POLR1B: variants seen among roughly 807,000 people sequenced by gnomAD.
POLR1B encodes RNA polymerase I subunit B.
A neutral mutation model predicts 105.8 loss-of-function variants in POLR1B; 30 were observed. That is an observed-to-expected ratio of 0.28 (90% CI 0.21 to 0.38). POLR1B has a LOEUF of 0.38. Ranked by LOEUF, POLR1B falls within the 10% of genes least tolerant of loss-of-function variation. The pLI is 1.00. For missense variants in POLR1B, 976 were observed against 1,435.8 expected, an observed-to-expected ratio of 0.68 and a Z score of 5.17; for synonymous variants, 485 against 505.1, an observed-to-expected ratio of 0.96 and a Z score of 0.53.
intron 9 of POLR1B, among the ~76,000 whole-genome samples, chr2:112,563,669 G>T (rs538091620): frequency 6.6e-6 from 1 of 152,128 alleles, no homozygotes; most frequent in African/African-American, 2.4e-5. Context: ...AGGCCAAGGC[G>T]AGAGGATTGC....
At chr2:112,561,918 T>C (rs1356915791) in intron 9 of POLR1B, among the ~76,000 whole-genome samples, 1 of 152,154 alleles carries the variant, frequency 6.6e-6, no homozygotes, top group Admixed American at 6.5e-5. Context: ...GCATTCCTTC[T>C]GCCTTGGCCT....
Position 112,551,958 on chromosome 2 carries a change from G to C in POLR1B, c.946G>C (p.Asp316His). ...CTTCAGAGTAAAACTCAATGTTCCT[G>C]ACTGGTACCCAAATGAGCAAGCTGC... is the stretch of plus-strand genomic sequence containing the variant. ...ECFRVKLNVP[D>H]WYPNEQAAEF... is the part of the protein sequence containing the mutation. Residue 316 changes from aspartate (D) to histidine (H), a missense_variant, in exon 6 of 15, where the codon GAC becomes CAC. By Grantham distance (81) the Asp-to-His change is moderately conservative. Coordinates refer to ENST00000263331, the MANE Select transcript of POLR1B (RefSeq NM_019014.6). The C allele has an allele frequency of 6.2e-7, 1 of 1,614,200 alleles. No homozygotes were observed. The highest frequency in any genetic ancestry group is 8.5e-7 in the Non-Finnish European group (1 of 1,180,034).
intron 9 of POLR1B, among the ~76,000 whole-genome samples, chr2:112,562,349 C>G (rs1684030827): frequency 6.6e-6 from 1 of 152,000 alleles, no homozygotes; most frequent in Admixed American, 6.6e-5. Context: ...GTGAAATGCT[C>G]CCTCCCATAG....
intron 12 of POLR1B, among the ~76,000 whole-genome samples, chr2:112,570,340 A>G (rs1010698003): frequency 9.9e-5 from 15 of 152,122 alleles, no homozygotes; most frequent in Admixed American, 9.8e-4. Context: ...GAGCCACTGC[A>G]CCTGGCCCAG....
At chr2:112,554,715 T>C (rs1353881507) in intron 7 of POLR1B, 1 of 152,042 alleles carries the variant, frequency 6.6e-6, no homozygotes, top group African/African-American at 2.4e-5. Flanking sequence ...TTATTCCACA[T>C]CAATTCCTAA....
rs990648539 is a variant in POLR1B at position 112,577,712 on chromosome 2, G to A, written c.*1983G>A. Among the ~76,000 whole-genome samples the A allele has an allele frequency of 1.3e-5, 2 of 151,556 alleles. No homozygotes were observed. On this transcript the variant is annotated 3_prime_UTR_variant, in exon 15 of 15. Transcript: ENST00000263331. ...TAGCCTGGTGTGGTGGCACATGCCT[G>A]TAGTTCCAGCTACTCAGGAGGCTGA...
chr2:112,569,333 C>G (rs1209102225), intron 12 of POLR1B, among the ~76,000 whole-genome samples: 2 of 152,162 alleles, frequency 1.3e-5, no homozygotes, highest in African/African-American at 4.8e-5. Flanking sequence ...TGATAATCTT[C>G]CTTTAGCATT....
At chr2:112,544,080 C>T (rs1682911187) in intron 1 of POLR1B, among the ~76,000 whole-genome samples, 1 of 151,520 alleles carries the variant, frequency 6.6e-6, no homozygotes, top group African/African-American at 2.4e-5. Flanking sequence ...CAGAGTGAGA[C>T]CTGTCTTTAA....
At chr2:112,542,241 G>A, upstream of POLR1B, 1 of 1,535,380 alleles carries the variant, frequency 6.5e-7, no homozygotes. Flanking sequence ...GAGTGGGGCG[G>A]AATATGGGAG....
intron 4 of POLR1B, chr2:112,550,660 T>G: frequency 1.7e-6 from 1 of 579,994 alleles, no homozygotes. Context: ...TCGGTTATTT[T>G]ACATTAGTGT....
chr2:112,572,543 A>G lies in POLR1B; in HGVS notation c.2075-19A>G, dbSNP rs376236905. ...GATGAAAGCAGCAGAAAATGCTAAG[A>G]TGTTTTTTCTCCATGTAGGTAAGCA... On this transcript the variant is annotated intron_variant, in intron 12 of 14. Transcript: ENST00000263331. 93 of 1,520,468 alleles carry G rather than the reference A, an allele frequency of 6.1e-5. 1 individual carries two copies. The South Asian group carries it at 1.1e-3, about 18-fold the overall frequency. 94.2% of individuals were successfully genotyped at this position (1,520,468 alleles called of 1,614,324 possible).
At chr2:112,572,796 T>A (rs751473902) in intron 13 of POLR1B, 38 bp downstream of exon 13, 5 of 1,487,002 alleles carry the variant, frequency 3.4e-6, no homozygotes, top group Non-Finnish European at 2.7e-6. Context: ...AATCTTTTTA[T>A]TTTTTAACTT....
rs1396411524 is a variant in POLR1B, at chr2:112,577,128, T to G, written c.*1399T>G. The G allele has an allele frequency of 1.3e-5, 2 of 152,236 alleles. No individual in the cohort carries two copies. The highest frequency in any genetic ancestry group is 4.8e-5 in the African/African-American group (2 of 41,468). 9.4% of individuals were successfully genotyped at this position (152,236 alleles called of 1,614,324 possible). On this transcript the variant is annotated 3_prime_UTR_variant, in exon 15 of 15. Coordinates refer to ENST00000263331, the MANE Select transcript of POLR1B (RefSeq NM_019014.6). ...GATCATCTTGTATATACTTCTGCAA[T>G]TATAAGATGTTTTTTGATGATGAAA...
chr2:112,545,540 A>G (rs1478032676), intron 1 of POLR1B, among the ~76,000 whole-genome samples: 4 of 152,248 alleles, frequency 2.6e-5, no homozygotes, highest in Non-Finnish European at 4.4e-5. Context: ...ACTGTATAGA[A>G]CATAACTATT....
intron 14 of POLR1B, among the ~76,000 whole-genome samples, chr2:112,574,441 C>T (rs929153265): frequency 6.6e-6 from 1 of 152,034 alleles, no homozygotes; most frequent in Non-Finnish European, 1.5e-5. Flanking sequence ...TTTTGCAGGC[C>T]AGGCACAGTA....
chr2:112,543,093 G>A (rs775932891), intron 1 of POLR1B, among the ~76,000 whole-genome samples: 3 of 152,204 alleles, frequency 2.0e-5, no homozygotes, highest in African/African-American at 7.2e-5. Flanking sequence ...TTCTCTTAGA[G>A]CTTTAAAGAG....
Position 112,577,823 on chromosome 2 carries a change from C to A in POLR1B, c.*2094C>A, listed in dbSNP as rs1684933629. Among the ~76,000 whole-genome samples, 3 of 107,880 alleles carry A rather than the reference C, an allele frequency of 2.8e-5. No individual in the cohort carries two copies. Among genetic ancestry groups the A allele is most frequent in the Non-Finnish European group, 5.5e-5 (3 of 54,172 alleles). The allele number at this position is 107,880 out of a possible 152,430, so 70.8% of individuals were successfully genotyped here. A position where few individuals can be genotyped will look rare whatever the true frequency, so the allele number is the denominator to read the frequency against. ...CTCCAGCCTGGGCGACAGAATGAGA[C>A]CCTGTCTCAAAAAAAAAAAAAAAAA... On this transcript the variant is annotated 3_prime_UTR_variant, in exon 15 of 15. Coordinates refer to ENST00000263331, the MANE Select transcript of POLR1B (RefSeq NM_019014.6).
intron 14 of POLR1B, 124 bp downstream of exon 14, chr2:112,573,939 C>T (rs1265963838): frequency 3.0e-5 from 35 of 1,163,514 alleles, no homozygotes; most frequent in Non-Finnish European, 3.8e-5. Context: ...CACCACCTCC[C>T]GGGCTCAAGC....
chr2:112,548,903 C>T (rs1211079569), intron 3 of POLR1B, among the ~76,000 whole-genome samples: 4 of 152,080 alleles, frequency 2.6e-5, no homozygotes, highest in Admixed American at 6.5e-5. Context: ...TGAGCCACCG[C>T]GCCCGGCCCA....
Sources: allele counts gnomAD v4.1 joint callset (sites outside exome capture counted in the v4.1 genomes callset), GRCh38; gene constraint gnomAD v4.1.1; transcripts MANE v1.5; gene names NCBI Gene and HGNC (gene_info 2026-07-23, HGNC 2026-07-21).